Variants in AFAP1L2 observed in about 807,000 individuals in gnomAD.
The protein encoded by AFAP1L2 is actin filament associated protein 1 like 2.
AFAP1L2 carries 46 observed loss-of-function variants against 99.3 expected under a neutral mutation model. The ratio of observed to expected loss-of-function variants is 0.46; its 90% confidence interval spans 0.37 to 0.59. The LOEUF (loss-of-function observed/expected upper bound fraction) is 0.59, where lower values mean the gene tolerates loss of function less well. Among genes scored for constraint, AFAP1L2 ranks in the 20% least tolerant of loss-of-function variants. The pLI, the probability that AFAP1L2 is intolerant of heterozygous loss-of-function variation, is 0.00. For missense variants in AFAP1L2, 959 were observed against 1,034.9 expected (o/e 0.93, Z 1.01); for synonymous variants, 397 against 419.1 (o/e 0.95, Z 0.64).
downstream of AFAP1L2, chr10:114,291,235 T>C (rs1320760915): frequency 6.5e-7 from 1 of 1,550,242 alleles, no homozygotes; most frequent in Non-Finnish European, 8.7e-7. Flanking sequence ...GAGACGCCCC[T>C]GAGGCACATG....
At chr10:114,398,892 C>A (rs1459969389) in intron 1 of AFAP1L2, 1 of 1,304,352 alleles carries the variant, frequency 7.7e-7, no homozygotes, top group Non-Finnish European at 1.0e-6. Context: ...CACCAGACAG[C>A]AACACCCCTG....
chr10:114,401,432 A>G (rs1434023896), intron 1 of AFAP1L2, among the ~76,000 whole-genome samples: 1 of 152,248 alleles, frequency 6.6e-6, no homozygotes, highest in Non-Finnish European at 1.5e-5. Context: ...AGAGTCATAA[A>G]TATGTAAACA....
intron 4 of AFAP1L2, among the ~76,000 whole-genome samples, chr10:114,327,345 G>T (rs2046530236): frequency 1.3e-5 from 2 of 151,042 alleles, no homozygotes; most frequent in South Asian, 4.2e-4. Context: ...TAGAGACGTG[G>T]TTTTCGCCAT....
chr10:114,327,805 C>T (rs953189642), intron 4 of AFAP1L2, among the ~76,000 whole-genome samples: 7 of 152,238 alleles, frequency 4.6e-5, no homozygotes, highest in Non-Finnish European at 8.8e-5. Context: ...AGACTAGACA[C>T]AAGAGCTGAT....
At chr10:114,302,753 G>C (rs1589955212) in intron 11 of AFAP1L2, among the ~76,000 whole-genome samples, 1 of 152,268 alleles carries the variant, frequency 6.6e-6, no homozygotes, top group African/African-American at 2.4e-5. Flanking sequence ...TATATACATT[G>C]TGTTTCTAGG....
At chr10:114,338,063 G>C (rs1285870252) in intron 2 of AFAP1L2, among the ~76,000 whole-genome samples, 1 of 152,228 alleles carries the variant, frequency 6.6e-6, no homozygotes, top group Non-Finnish European at 1.5e-5. Context: ...CTGATGAGAG[G>C]CTAAGGCAGA....
chr10:114,288,990 A>G, the AFAP1L2 span: 1 of 1,614,008 alleles, frequency 6.2e-7, no homozygotes, highest in Admixed American at 1.7e-5. Flanking sequence ...CCTCTGCCTC[A>G]GTAGGGCCCG....
chr10:114,328,884 G>T (rs1451228346), intron 4 of AFAP1L2, among the ~76,000 whole-genome samples: 2 of 152,326 alleles, frequency 1.3e-5, no homozygotes, highest in South Asian at 4.1e-4. Context: ...CACCACATCT[G>T]GAACACCCTG....
chr10:114,334,440 A>T (rs896878880), intron 2 of AFAP1L2, among the ~76,000 whole-genome samples: 2 of 152,182 alleles, frequency 1.3e-5, no homozygotes, highest in Non-Finnish European at 2.9e-5. Context: ...GAGCCAAAGG[A>T]CCCAGTTCTA....
chr10:114,383,305 C>T (rs115429450), intron 1 of AFAP1L2, among the ~76,000 whole-genome samples: 1,482 of 146,582 alleles, frequency 0.01, 28 homozygotes, highest in African/African-American at 0.036. Flanking sequence ...AAGGAGCAGG[C>T]AAAAAACAGG....
At chr10:114,334,291 T>C (rs1034442112) in intron 2 of AFAP1L2, among the ~76,000 whole-genome samples, 3 of 152,256 alleles carry the variant, frequency 2.0e-5, no homozygotes, top group African/African-American at 7.2e-5. Flanking sequence ...CCAAGGACCC[T>C]TTCTTCAGAA....
chr10:114,289,917 G>A (rs114026411), downstream of AFAP1L2: 1,050 of 312,984 alleles, frequency 3.4e-3, 10 homozygotes, highest in African/African-American at 0.021. Flanking sequence ...ACTTGAACCC[G>A]GGAGGTGGAG....
intron 5 of AFAP1L2, among the ~76,000 whole-genome samples, chr10:114,321,998 T>C (rs1590146676): frequency 6.6e-6 from 1 of 152,194 alleles, no homozygotes; most frequent in African/African-American, 2.4e-5. Context: ...TGGGAGGTAA[T>C]TGAATCATGG....
intron 1 of AFAP1L2, among the ~76,000 whole-genome samples, chr10:114,382,880 C>T (rs894635999): frequency 5.9e-5 from 9 of 152,096 alleles, no homozygotes; most frequent in African/African-American, 2.2e-4. Context: ...TAGGCATGAG[C>T]CACCATGCCC....
downstream of AFAP1L2, chr10:114,289,878 T>C (rs2039384632): frequency 3.0e-6 from 1 of 330,900 alleles, no homozygotes; most frequent in East Asian, 6.7e-5. Context: ...TGACCTCCTC[T>C]TCACCTTCTT....
chr10:114,355,085 G>C (rs953713142), intron 1 of AFAP1L2, among the ~76,000 whole-genome samples: 1 of 152,256 alleles, frequency 6.6e-6, no homozygotes, highest in South Asian at 2.1e-4. Flanking sequence ...AATTATCCTG[G>C]ATAAACCATG....
intron 1 of AFAP1L2, among the ~76,000 whole-genome samples, chr10:114,355,183 T>G (rs949997855): frequency 6.6e-6 from 1 of 151,804 alleles, no homozygotes; most frequent in Non-Finnish European, 1.5e-5. Flanking sequence ...CAGTGGAGTA[T>G]AGCAGGCCTA....
At chr10:114,314,970 G>T (rs562345976) in intron 6 of AFAP1L2, among the ~76,000 whole-genome samples, 7 of 152,056 alleles carry the variant, frequency 4.6e-5, no homozygotes, top group African/African-American at 1.7e-4. Flanking sequence ...GTGAAACCCC[G>T]TCTCTACTAA....
rs2041595763 is a variant in AFAP1L2 at position 114,303,515 on chromosome 10, C to A, written c.1285-1031G>T. 3.3e-5 allele frequency among the ~76,000 whole-genome samples: 5 copies of A among 152,290 alleles called. No homozygotes were observed. In the Middle Eastern group the frequency reaches 0.017, roughly 518 times the overall value. On this transcript the variant is annotated intron_variant, in intron 11 of 18. Transcript: ENST00000304129. Reference sequence around the variant, plus strand: ...AGAGACAGGGTTTCACCATGTTGGCCAGGCTGGTTTCAAACTCCTGACCTC... The same window carrying A: ...AGAGACAGGGTTTCACCATGTTGGCAAGGCTGGTTTCAAACTCCTGACCTC...
Sources: allele counts gnomAD v4.1 joint callset (sites outside exome capture counted in the v4.1 genomes callset), GRCh38; gene constraint gnomAD v4.1.1; transcripts MANE v1.5; gene names NCBI Gene and HGNC (gene_info 2026-07-23, HGNC 2026-07-21).